The following THADA variants were observed in gnomAD, a reference collection of about 807,000 sequenced individuals.
THADA encodes the protein tRNA (32-2'-O)-methyltransferase regulator THADA.
A neutral mutation model predicts 219.8 loss-of-function variants in THADA; 213 were observed. The ratio of observed to expected loss-of-function variants is 0.97; its 90% CI spans 0.87 to 1.09. THADA has a LOEUF of 1.09. Among genes scored for constraint, THADA ranks in the 50% least tolerant of loss-of-function variants. The probability of loss-of-function intolerance (pLI) is 0.00; values close to 1 mark genes in which losing one functional copy is unlikely to be tolerated. For synonymous variants in THADA, 1,018 were observed against 828.9 expected, an observed-to-expected ratio of 1.23 and a Z score of -3.92; for missense variants, 2,956 against 2,311.3, an observed-to-expected ratio of 1.28 and a Z score of -5.72.
chr2:43,415,112 C>G (rs1453056710), intron 28 of THADA, among the ~76,000 whole-genome samples: 2 of 152,174 alleles, frequency 1.3e-5, no homozygotes, highest in Non-Finnish European at 2.9e-5. Context: ...CCTGTCAAAA[C>G]CAAAGAAACG....
At chr2:43,587,227 A>T (rs897800647) in intron 4 of THADA, among the ~76,000 whole-genome samples, 2 of 152,160 alleles carry the variant, frequency 1.3e-5, no homozygotes, top group South Asian at 2.1e-4. Context: ...TATTCTCAAC[A>T]GAACAGGCAG....
intron 8 of THADA, among the ~76,000 whole-genome samples, chr2:43,581,043 G>A (rs998034552): frequency 6.6e-6 from 1 of 152,130 alleles, no homozygotes; most frequent in African/African-American, 2.4e-5. Context: ...TTACCATATA[G>A]AATGGGAGGT....
At chr2:43,484,553 T>TA (rs1274387571) in intron 26 of THADA, 2 of 168,798 alleles carry the variant, frequency 1.2e-5, no homozygotes, top group Non-Finnish European at 2.9e-5. Flanking sequence ...TCTTAAGTGC[T>TA]AAAAAACAAC....
chr2:43,323,659 A>T (rs1232511972), intron 30 of THADA, among the ~76,000 whole-genome samples: 1 of 152,204 alleles, frequency 6.6e-6, no homozygotes, highest in Non-Finnish European at 1.5e-5. Context: ...TGACCTGAGA[A>T]TTTTGACTAG....
chr2:43,276,001 A>C (rs1672688420), intron 36 of THADA, among the ~76,000 whole-genome samples: 1 of 152,234 alleles, frequency 6.6e-6, no homozygotes. Context: ...GGAGCTGCAG[A>C]GATAGCCTTG....
At chr2:43,283,720 G>T (rs1673648563) in intron 35 of THADA, among the ~76,000 whole-genome samples, 1 of 152,204 alleles carries the variant, frequency 6.6e-6, no homozygotes, top group East Asian at 1.9e-4. Context: ...TGACCTGGCT[G>T]TTTCTAAAAG....
intron 24 of THADA, among the ~76,000 whole-genome samples, chr2:43,505,370 T>C (rs895852736): frequency 1.3e-5 from 2 of 151,928 alleles, no homozygotes; most frequent in Non-Finnish European, 2.9e-5. Context: ...TTCAAATGTC[T>C]GTCCAATGTT....
chr2:43,584,168 C>G (rs963090701), intron 7 of THADA, among the ~76,000 whole-genome samples: 1 of 151,660 alleles, frequency 6.6e-6, no homozygotes, highest in African/African-American at 2.4e-5. Flanking sequence ...ATAGAGGTTA[C>G]CTGGGGCTAC....
rs1676924774 is a variant in THADA, at chr2:43,306,870, C to A, written c.4438+13576G>T. ...CCATTCATTTCTTTGTTCTTGCTAT[C>A]AGTTTTATCTCTTGATAGCTGCTGT... On this transcript the variant is annotated intron_variant, in intron 31 of 37. Transcript: ENST00000405975. Among the ~76,000 whole-genome samples the A allele has an allele frequency of 2.0e-5, 3 of 152,322 alleles. No individual in the cohort carries two copies. The South Asian group carries it at 6.2e-4, about 32-fold the overall frequency.
At chr2:43,497,102 G>C (rs1243102794) in intron 25 of THADA, among the ~76,000 whole-genome samples, 1 of 152,172 alleles carries the variant, frequency 6.6e-6, no homozygotes, top group African/African-American at 2.4e-5. Context: ...ATGTAAATTA[G>C]TTCAACCACT....
intron 29 of THADA, among the ~76,000 whole-genome samples, chr2:43,385,832 G>A (rs778098910): frequency 6.7e-6 from 1 of 149,642 alleles, no homozygotes; most frequent in African/African-American, 2.5e-5. Context: ...TAAACTCTTC[G>A]AAATCACAAC....
At chr2:43,231,378 CAGGGA>C in intron 37 of THADA, 35 bp from the exon 38 acceptor site, 1 of 1,480,416 alleles carries the variant, frequency 6.8e-7, no homozygotes. Context: ...GTCAGTCTTA[CAGGGA>C]ATGGTGACAA....
At chr2:43,543,492 C>T (rs1695595579) in intron 20 of THADA, among the ~76,000 whole-genome samples, 1 of 150,872 alleles carries the variant, frequency 6.6e-6, no homozygotes, top group Non-Finnish European at 1.5e-5. Context: ...GTCCCACCAA[C>T]AGTGTAAAAG....
intron 31 of THADA, among the ~76,000 whole-genome samples, chr2:43,317,115 G>A (rs1044647197): frequency 6.6e-6 from 1 of 152,154 alleles, no homozygotes; most frequent in African/African-American, 2.4e-5. Flanking sequence ...AGGTCACAAA[G>A]TTAGTAAATG....
intron 22 of THADA, among the ~76,000 whole-genome samples, chr2:43,518,720 T>G (rs114658039): frequency 0.021 from 3,220 of 152,276 alleles, 40 homozygotes; most frequent in African/African-American, 0.044. Flanking sequence ...TTCTTAAGCC[T>G]CTTTAGGAGA....
chr2:43,309,057 G>A (rs1347085686), intron 31 of THADA, among the ~76,000 whole-genome samples: 7 of 152,118 alleles, frequency 4.6e-5, no homozygotes, highest in African/African-American at 1.7e-4. Context: ...GGTAAAAACT[G>A]TGCAAAACAT....
intron 20 of THADA, among the ~76,000 whole-genome samples, chr2:43,547,209 T>C (rs2103854046): frequency 6.6e-6 from 1 of 152,368 alleles, no homozygotes; most frequent in East Asian, 1.9e-4. Flanking sequence ...CCCCACTCTC[T>C]TCTGGCTTAT....
At chr2:43,335,196 T>A (rs1666271308) in intron 30 of THADA, among the ~76,000 whole-genome samples, 1 of 152,114 alleles carries the variant, frequency 6.6e-6, no homozygotes, top group Non-Finnish European at 1.5e-5. Flanking sequence ...ACGTGCACAT[T>A]TTCTTTCTGA....
intron 22 of THADA, among the ~76,000 whole-genome samples, chr2:43,514,509 A>G (rs866370602): frequency 1.5e-5 from 2 of 137,014 alleles, no homozygotes; most frequent in East Asian, 4.1e-4. Flanking sequence ...CGTATATTTT[A>G]TATATAATAT....
Sources: gnomAD v4.1 joint callset for allele counts (sites outside exome capture counted in the v4.1 genomes callset) on GRCh38, gnomAD v4.1.1 for gene constraint, MANE v1.5 for transcripts, NCBI Gene and HGNC (gene_info 2026-07-23, HGNC 2026-07-21) for gene names.